The following PTPRD variants were observed in gnomAD, a reference collection of about 807,000 sequenced individuals.
PTPRD encodes the protein protein tyrosine phosphatase receptor type D.
Under a neutral mutation model 214.5 loss-of-function variants are expected in PTPRD, and 34 were observed. That is an observed-to-expected ratio of 0.16 (90% confidence interval 0.12 to 0.21). PTPRD has a LOEUF of 0.21. Ranked by LOEUF, PTPRD falls within the 10% of genes least tolerant of loss-of-function variation. The pLI, the probability that PTPRD is intolerant of heterozygous loss-of-function variation, is 1.00. For synonymous variants in PTPRD, 1,128 were observed against 845.7 expected (o/e 1.33, Z -5.79); for missense variants, 2,545 against 2,398.7 (o/e 1.06, Z -1.27).
At chr9:10,177,416 G>T (rs2099255383) in intron 3 of PTPRD, among the ~76,000 whole-genome samples, 1 of 150,242 alleles carries the variant, frequency 6.7e-6, no homozygotes, top group South Asian at 2.1e-4. Context: ...ATGAGTTTGT[G>T]CTTCAGAACA....
chr9:9,055,457 C>G (rs1050573757), intron 10 of PTPRD, among the ~76,000 whole-genome samples: 2 of 152,046 alleles, frequency 1.3e-5, no homozygotes, highest in Admixed American at 6.6e-5. Flanking sequence ...CCAGTCTCAT[C>G]CAAAAGTGCC....
chr9:8,504,797 T>C (rs1019520230), intron 22 of PTPRD, among the ~76,000 whole-genome samples: 1 of 152,166 alleles, frequency 6.6e-6, no homozygotes, highest in Admixed American at 6.5e-5. Flanking sequence ...CTGCCCAACA[T>C]GTGCAATTTT....
At chr9:8,461,894 C>G (rs1475457374) in intron 32 of PTPRD, among the ~76,000 whole-genome samples, 2 of 151,976 alleles carry the variant, frequency 1.3e-5, no homozygotes, top group African/African-American at 4.8e-5. Context: ...AAACAATCCT[C>G]CAGCCTTGGC....
At chr9:10,037,202 A>C (rs2097200268) in intron 3 of PTPRD, among the ~76,000 whole-genome samples, 1 of 152,166 alleles carries the variant, frequency 6.6e-6, no homozygotes, top group Non-Finnish European at 1.5e-5. Context: ...TTAAAATAGA[A>C]AACCGATATG....
chr9:10,352,454 T>G (rs963522649), intron 2 of PTPRD, among the ~76,000 whole-genome samples: 2 of 152,046 alleles, frequency 1.3e-5, no homozygotes, highest in Non-Finnish European at 2.9e-5. Flanking sequence ...ATTAACATGA[T>G]TTATTGCTAT....
At chr9:8,833,660 C>T (rs1336277164) in intron 11 of PTPRD, among the ~76,000 whole-genome samples, 2 of 147,032 alleles carry the variant, frequency 1.4e-5, no homozygotes, top group Admixed American at 1.4e-4. Flanking sequence ...CCATTCACAA[C>T]ATTATAAAGT....
rs796604205 is a variant in PTPRD, at chr9:8,352,668, A to G, written c.4662-10690T>C. Among the ~76,000 whole-genome samples the G allele has an allele frequency of 2.6e-4, 39 of 152,326 alleles. 1 individual carries two copies. The highest frequency in any genetic ancestry group is 8.9e-4 in the African/African-American group (37 of 41,574). Reference sequence around the variant, plus strand: ...TATTACTCCTGATTCAGGTTAAGCAAGATTCAAAGAGAGGAGCCACTGGAA... The same window carrying G: ...TATTACTCCTGATTCAGGTTAAGCAGGATTCAAAGAGAGGAGCCACTGGAA... On this transcript the variant is annotated intron_variant, in intron 39 of 45. Coordinates refer to ENST00000381196, the MANE Select transcript of PTPRD (RefSeq NM_002839.4).
chr9:9,112,333 G>C (rs1190662385), intron 10 of PTPRD, among the ~76,000 whole-genome samples: 2 of 152,038 alleles, frequency 1.3e-5, no homozygotes, highest in Non-Finnish European at 2.9e-5. Context: ...AAGTAGTTAG[G>C]GGATCTGAGA....
intron 5 of PTPRD, among the ~76,000 whole-genome samples, chr9:9,799,063 G>C (rs904819277): frequency 6.6e-6 from 1 of 151,956 alleles, no homozygotes; most frequent in East Asian, 1.9e-4. Context: ...AATGACTGCA[G>C]AATCAAAACT....
chr9:9,387,645 G>C (rs976121412), intron 9 of PTPRD, among the ~76,000 whole-genome samples: 3 of 152,018 alleles, frequency 2.0e-5, no homozygotes, highest in African/African-American at 7.3e-5. Context: ...ACACTTCAGA[G>C]GCACTTCTGA....
intron 6 of PTPRD, among the ~76,000 whole-genome samples, chr9:9,763,683 C>T (rs2098681123): frequency 6.6e-6 from 1 of 152,158 alleles, no homozygotes; most frequent in African/African-American, 2.4e-5. Context: ...CAGCTCCCCA[C>T]TTTCCAATCT....
chr9:9,642,013 C>T (rs867568539), intron 7 of PTPRD, among the ~76,000 whole-genome samples: 43 of 150,868 alleles, frequency 2.9e-4, no homozygotes, highest in South Asian at 1.1e-3. Flanking sequence ...TTGGAACCAA[C>T]CCAAATGTCC....
intron 9 of PTPRD, among the ~76,000 whole-genome samples, chr9:9,384,680 T>C (rs1304071679): frequency 1.3e-5 from 2 of 152,136 alleles, no homozygotes; most frequent in East Asian, 1.9e-4. Context: ...TAGTTGTTGG[T>C]TGTTTGCCAA....
chr9:8,582,584 C>G (rs2093274100), intron 14 of PTPRD, among the ~76,000 whole-genome samples: 1 of 152,066 alleles, frequency 6.6e-6, no homozygotes, highest in Admixed American at 6.5e-5. Flanking sequence ...AGGAAATTAA[C>G]TGGCAATTTA....
chr9:9,618,831 G>T (rs1317459110), intron 7 of PTPRD, among the ~76,000 whole-genome samples: 2 of 152,048 alleles, frequency 1.3e-5, no homozygotes, highest in Admixed American at 1.3e-4. Flanking sequence ...ATCACCCAAG[G>T]ATAATGTATA....
chr9:9,990,523 G>T (rs181895559), intron 4 of PTPRD, among the ~76,000 whole-genome samples: 359 of 152,294 alleles, frequency 2.4e-3, no homozygotes, highest in Non-Finnish European at 2.8e-3. Flanking sequence ...GTGCCCAGTG[G>T]CCAAGCAGAG....
At chr9:8,933,339 GGTT>G (rs1422923980) in intron 11 of PTPRD, among the ~76,000 whole-genome samples, 19 of 68,802 alleles carry the variant, frequency 2.8e-4, no homozygotes, top group South Asian at 1.4e-3. Flanking sequence ...ACAACCTTGA[GGTT>G]TTTTTTTTTT....
At chr9:9,128,969 A>G (rs1216056224) in intron 10 of PTPRD, among the ~76,000 whole-genome samples, 2 of 152,250 alleles carry the variant, frequency 1.3e-5, no homozygotes, top group African/African-American at 2.4e-5. Flanking sequence ...AATACTTAGC[A>G]AGCAAACTAT....
intron 10 of PTPRD, among the ~76,000 whole-genome samples, chr9:9,181,345 T>G (rs1354474559): frequency 6.6e-6 from 1 of 151,964 alleles, no homozygotes; most frequent in Non-Finnish European, 1.5e-5. Context: ...GTAGTTATGT[T>G]TTTTTCTGAC....
Sources: gnomAD v4.1 joint callset for allele counts (sites outside exome capture counted in the v4.1 genomes callset) on GRCh38, gnomAD v4.1.1 for gene constraint, MANE v1.5 for transcripts, NCBI Gene and HGNC (gene_info 2026-07-23, HGNC 2026-07-21) for gene names.